Variants in HRH2 observed in about 807,000 individuals in gnomAD.
HRH2 encodes histamine H2 receptor.
In HRH2, 4 loss-of-function variants were observed where a neutral mutation model predicts 20.1. The ratio of observed to expected loss-of-function variants is 0.20; its 90% CI spans 0.10 to 0.45. The LOEUF (loss-of-function observed/expected upper bound fraction) is 0.45. Ranked by LOEUF, HRH2 falls within the 20% of genes least tolerant of loss-of-function variation. The pLI is 0.99. For missense variants in HRH2, 250 were observed against 461.6 expected, an observed-to-expected ratio of 0.54 and a Z score of 4.20; for synonymous variants, 197 against 200.7, an observed-to-expected ratio of 0.98 and a Z score of 0.16.
chr5:175,704,989 C>T (rs1756900677), intron 2 of HRH2, among the ~76,000 whole-genome samples: 1 of 151,946 alleles, frequency 6.6e-6, no homozygotes, highest in South Asian at 2.1e-4. Flanking sequence ...GAGAATTGGA[C>T]TCCATATGTG....
intron 2 of HRH2, among the ~76,000 whole-genome samples, chr5:175,698,256 A>C (rs1341996852): frequency 6.6e-6 from 1 of 152,208 alleles, no homozygotes; most frequent in Non-Finnish European, 1.5e-5. Context: ...TGCCCAGATC[A>C]TCTCCGTATC....
At position 175,681,656 on chromosome 5, in the gene HRH2, G is replaced by A. The variant is rs989877118; in HGVS notation, c.-525-1053G>A. 2.0e-5 allele frequency among the ~76,000 whole-genome samples: 3 copies of A among 152,190 alleles called. No homozygotes were observed. Among genetic ancestry groups the A allele is most frequent in the Non-Finnish European group, 4.4e-5 (3 of 68,038 alleles). On this transcript the variant is annotated intron_variant, in intron 1 of 2. Transcript: ENST00000636584. This position sits in a 1 kb window ranked among gnomAD's most constrained non-coding sequence, Gnocchi z 4.3. ...TTGCACATGCAGTTACTTTATTGAC[G>A]TAGTGTTTGCACTACTTCAATAGTG...
chr5:175,668,063 C>T (rs1221036702), intron 1 of HRH2, among the ~76,000 whole-genome samples: 1 of 152,186 alleles, frequency 6.6e-6, no homozygotes, highest in African/African-American at 2.4e-5. Flanking sequence ...ATGCATTTAA[C>T]AAAGCAGGGG....
chr5:175,661,384 C>A (rs898203334), intron 1 of HRH2, among the ~76,000 whole-genome samples: 9 of 152,242 alleles, frequency 5.9e-5, no homozygotes, highest in African/African-American at 1.9e-4. Context: ...AGAAGAAATA[C>A]GAAATTATTA....
At chr5:175,674,136 G>A (rs1310660661) in intron 1 of HRH2, among the ~76,000 whole-genome samples, 1 of 152,252 alleles carries the variant, frequency 6.6e-6, no homozygotes, top group Admixed American at 6.5e-5. Flanking sequence ...AGCAAATGGT[G>A]TGAGTCTCTC....
rs542382302 is a variant in HRH2, at chr5:175,693,252, G to A, written c.1076+8943G>A. On this transcript the variant is annotated intron_variant, in intron 2 of 2. Coordinates refer to ENST00000636584, the MANE Select transcript of HRH2 (RefSeq NM_001367711.1). This position sits in a 1 kb window ranked among gnomAD's most constrained non-coding sequence, Gnocchi z 4.4. ...GTTTGTGGCAGAGCATTCAGAGGGTGGAAGGGGGTGTGCCTGCATTGCAGG... is the reference window on the plus strand; with the variant it reads ...GTTTGTGGCAGAGCATTCAGAGGGTAGAAGGGGGTGTGCCTGCATTGCAGG... 1.3e-5 allele frequency among the ~76,000 whole-genome samples: 2 copies of A among 152,188 alleles called. No individual in the cohort carries two copies. The highest frequency in any genetic ancestry group is 2.4e-5 in the African/African-American group (1 of 41,446).
Position 175,675,833 on chromosome 5 carries a change from CA to C in HRH2, c.-525-6874del, listed in dbSNP as rs139981968. Among the ~76,000 whole-genome samples, 1,191 of 152,322 alleles carry C rather than the reference CA, an allele frequency of 7.8e-3. 9 individuals carry two copies. Among genetic ancestry groups the C allele is most frequent in the African/African-American group, 0.027 (1,111 of 41,568 alleles). On this transcript the variant is annotated intron_variant, in intron 1 of 2. Coordinates refer to ENST00000636584, the MANE Select transcript of HRH2 (RefSeq NM_001367711.1). ...AGGTTTTGAGTAGGTGATACATACACAAGGTGGAAAGATTGAAAAGGTCCCA... is the reference window on the plus strand; with the variant it reads ...AGGTTTTGAGTAGGTGATACATACACAGGTGGAAAGATTGAAAAGGTCCCA...
intron 2 of HRH2, among the ~76,000 whole-genome samples, chr5:175,689,738 C>T (rs543881028): frequency 6.6e-6 from 1 of 152,366 alleles, no homozygotes; most frequent in South Asian, 2.1e-4. Flanking sequence ...TGGGAACAGA[C>T]TAACCCCTCT....
chr5:175,658,576 A>T (rs986498416), intron 1 of HRH2, among the ~76,000 whole-genome samples: 1 of 151,968 alleles, frequency 6.6e-6, no homozygotes, highest in Non-Finnish European at 1.5e-5. Context: ...TCTCGCGGCG[A>T]TGTGTCTGTC....
Position 175,708,033 on chromosome 5 carries a change from C to G in HRH2, c.*62C>G. 1 of 398,990 alleles carries G rather than the reference C, an allele frequency of 2.5e-6. No homozygotes were observed. The highest frequency in any genetic ancestry group is 4.4e-6 in the Non-Finnish European group (1 of 226,174). The allele number at this position is 398,990 out of a possible 1,614,324, so 24.7% of individuals were successfully genotyped here. On this transcript the variant is annotated 3_prime_UTR_variant, in exon 3 of 3. Coordinates refer to ENST00000636584, the MANE Select transcript of HRH2 (RefSeq NM_001367711.1). Reference sequence around the variant, plus strand: ...CCCCAAGATGTGACTCCTGGAGCTCCTAAGGACCCAGTCTCCAAAGCCACC... The same window carrying G: ...CCCCAAGATGTGACTCCTGGAGCTCGTAAGGACCCAGTCTCCAAAGCCACC...
intron 2 of HRH2, among the ~76,000 whole-genome samples, chr5:175,704,575 C>T (rs1321922810): frequency 6.6e-6 from 1 of 152,068 alleles, no homozygotes; most frequent in Non-Finnish European, 1.5e-5. Flanking sequence ...TTCTATTCAA[C>T]ATATTACCGG....
Position 175,687,526 on chromosome 5 carries a change from C to A in HRH2, c.1076+3217C>A, listed in dbSNP as rs781217306. Among the ~76,000 whole-genome samples, 19 of 152,122 alleles carry A rather than the reference C, an allele frequency of 1.2e-4. No individual in the cohort carries two copies. The highest frequency in any genetic ancestry group is 1.9e-4 in the Non-Finnish European group (13 of 68,022). On this transcript the variant is annotated intron_variant, in intron 2 of 2. Coordinates refer to ENST00000636584, the MANE Select transcript of HRH2 (RefSeq NM_001367711.1). This position sits in a 1 kb window ranked among gnomAD's most constrained non-coding sequence, Gnocchi z 5.2. ...CTTCCCTGTGGCCAACCAGCAGCCACCCCACAATGTTCCTGCCCAGCCTCT... is the reference window on the plus strand; with the variant it reads ...CTTCCCTGTGGCCAACCAGCAGCCAACCCACAATGTTCCTGCCCAGCCTCT...
chr5:175,685,404 C>T (rs1347969889), intron 2 of HRH2: 1 of 1,548,516 alleles, frequency 6.5e-7, no homozygotes, highest in Non-Finnish European at 8.7e-7. Flanking sequence ...TTTCTCTTCC[C>T]ACAGACCATG....
intron 2 of HRH2, among the ~76,000 whole-genome samples, chr5:175,703,679 TA>T: frequency 6.6e-6 from 1 of 152,014 alleles, no homozygotes; most frequent in Non-Finnish European, 1.5e-5. Context: ...GATAACAGAA[TA>T]AAAAACATAA....
At chr5:175,675,861 G>C (rs1424112258) in intron 1 of HRH2, among the ~76,000 whole-genome samples, 2 of 152,186 alleles carry the variant, frequency 1.3e-5, no homozygotes, top group Non-Finnish European at 2.9e-5. Context: ...AAGGTCCCAA[G>C]AGACACATGG....
chr5:175,663,200 A>T (rs961912414), intron 1 of HRH2, among the ~76,000 whole-genome samples: 1 of 152,150 alleles, frequency 6.6e-6, no homozygotes, highest in Admixed American at 6.5e-5. Context: ...GAATGGCTGG[A>T]TCACATGGTG....
Position 175,702,371 on chromosome 5 carries a change from T to TA in HRH2, c.1077-5401dup, listed in dbSNP as rs1015421050. ...ATATAAATGGAATAAATTGGCCAAT[T>TA]AAAAAAATACAAAGATTGTCAGGCT... On this transcript the variant is annotated intron_variant, in intron 2 of 2. Transcript: ENST00000636584. Among the ~76,000 whole-genome samples, 361 of 152,012 alleles carry TA rather than the reference T, an allele frequency of 2.4e-3. 1 individual carries two copies. The highest frequency in any genetic ancestry group is 8.3e-3 in the African/African-American group (345 of 41,452).
chr5:175,707,815 C>A lies in HRH2; in HGVS notation c.1113C>A (p.Asn371Lys), dbSNP rs1756991444. 1 of 399,214 alleles carries A rather than the reference C, an allele frequency of 2.5e-6. No individual in the cohort carries two copies. The allele number at this position is 399,214 out of a possible 1,614,324, so 24.7% of individuals were successfully genotyped here. ...TGTCCTGCACTACGTGCTCCAGCAA[C>A]CTCCTGAGCTGCTGCAAGAGCCTGT... ...PALSCTTCSS[N>K]LLSCCKSLWG... Residue 371 changes from asparagine (N) to lysine (K), a missense_variant, in exon 3 of 3, where the codon AAC becomes AAA. Physicochemically the swap from Asn to Lys is moderately conservative, Grantham distance 94. Around this residue, in one of 5 missense-constraint regions of HRH2, gnomAD observed 55 missense variants for 66.9 expected, o/e 0.82. Coordinates refer to ENST00000636584, the MANE Select transcript of HRH2 (RefSeq NM_001367711.1).
rs149701246 is a variant in HRH2, at chr5:175,708,191, G to A, written c.*220G>A. ...AGGCACGCAAGACTCCTCTGGGCCC[G>A]AGTGGGCTGAATCCCATGGGTTCAA... On this transcript the variant is annotated 3_prime_UTR_variant, in exon 3 of 3. Coordinates refer to ENST00000636584, the MANE Select transcript of HRH2 (RefSeq NM_001367711.1). 1.5e-3 allele frequency: 555 copies of A among 375,868 alleles called. 2 individuals are homozygous for A. Among genetic ancestry groups the A allele is most frequent in the African/African-American group, 9.8e-3 (475 of 48,274 alleles). The allele number at this position is 375,868 out of a possible 1,614,324, so 23.3% of individuals were successfully genotyped here.
Sources: allele counts gnomAD v4.1 joint callset (sites outside exome capture counted in the v4.1 genomes callset), GRCh38; gene constraint gnomAD v4.1.1; regional missense constraint gnomAD v4.1.1; non-coding constraint Gnocchi (gnomAD v3.1); transcripts MANE v1.5; gene names NCBI Gene and HGNC (gene_info 2026-07-23, HGNC 2026-07-21).